Variants in CRHR2 observed in about 807,000 individuals in gnomAD.
CRHR2 encodes corticotropin releasing hormone receptor 2, also known as corticotropin-releasing hormone receptor 2.
In CRHR2, 53 loss-of-function variants were observed where a neutral mutation model predicts 57.9. The observed-to-expected ratio is 0.92, with a 90% CI of 0.73 to 1.15. CRHR2 has a LOEUF of 1.15. Among genes scored for constraint, CRHR2 ranks in the 50% most tolerant of loss-of-function variants. The pLI, the probability that CRHR2 is intolerant of heterozygous loss-of-function variation, is 0.00. For synonymous variants in CRHR2, 213 were observed against 220.9 expected (o/e 0.96, Z 0.32); for missense variants, 532 against 542.6 (o/e 0.98, Z 0.19).
At position 30,656,340 on chromosome 7, in the gene CRHR2, C is replaced by G. The variant is rs946637025; in HGVS notation, c.832-328G>C. Among the ~76,000 whole-genome samples, 1 of 152,166 alleles carries G rather than the reference C, an allele frequency of 6.6e-6. No individual in the cohort carries two copies. Among genetic ancestry groups the G allele is most frequent in the Non-Finnish European group, 1.5e-5 (1 of 68,022 alleles). Reference sequence around the variant, plus strand: ...CCAACCCTCTCCCCAGTATAGGGACCCTATGGGAGCCCCCTTCCCCTCACT... The same window carrying G: ...CCAACCCTCTCCCCAGTATAGGGACGCTATGGGAGCCCCCTTCCCCTCACT... On this transcript the variant is annotated intron_variant, in intron 8 of 11. Coordinates refer to ENST00000471646, the MANE Select transcript of CRHR2 (RefSeq NM_001883.5). This position sits in a 1 kb window ranked among gnomAD's most constrained non-coding sequence, Gnocchi z 4.4.
chr7:30,668,964 C>T (rs960016354), intron 2 of CRHR2, among the ~76,000 whole-genome samples: 7 of 152,230 alleles, frequency 4.6e-5, no homozygotes, highest in African/African-American at 9.6e-5. Flanking sequence ...TACCAACATT[C>T]GTGCTCATGA....
intron 2 of CRHR2, among the ~76,000 whole-genome samples, chr7:30,673,152 G>C (rs1784417574): frequency 6.6e-6 from 1 of 151,988 alleles, no homozygotes. Context: ...CCATCTTCTT[G>C]TCTGGCCTGG....
chr7:30,655,167 G>C (rs1783733531), intron 10 of CRHR2, 87 bp from the exon 11 acceptor site: 1 of 1,243,250 alleles, frequency 8.0e-7, no homozygotes, highest in Middle Eastern at 1.9e-4. Context: ...ACAAGATGGT[G>C]GGGGGGGGAC....
intron 2 of CRHR2, 59 bp from the exon 3 acceptor site, chr7:30,667,372 G>A: frequency 6.8e-7 from 1 of 1,464,170 alleles, no homozygotes; most frequent in Non-Finnish European, 9.6e-7. Flanking sequence ...AACCCTCCCT[G>A]GCTCCCTGGT....
chr7:30,654,983 G>C (rs1349007950), intron 11 of CRHR2, 56 bp downstream of exon 11: 1 of 1,596,864 alleles, frequency 6.3e-7, no homozygotes, highest in Non-Finnish European at 8.5e-7. Context: ...AGCTGCCCTG[G>C]AGTGGGGTCT....
chr7:30,652,855 A>C lies in CRHR2; in HGVS notation c.*605T>G, dbSNP rs1400381171. The C allele has an allele frequency of 2.0e-5, 3 of 152,424 alleles. No individual in the cohort carries two copies. Among genetic ancestry groups the C allele is most frequent in the Non-Finnish European group, 2.9e-5 (2 of 68,182 alleles). The allele number at this position is 152,424 out of a possible 1,614,324, so 9.4% of individuals were successfully genotyped here. On this transcript the variant is annotated 3_prime_UTR_variant, in exon 12 of 12. Transcript: ENST00000471646. The surrounding 1 kb of genome is among the most constrained non-coding windows in gnomAD (Gnocchi z 4.4). ...AAGGGGTCTCCCAAGAGAGGAAGCC[A>C]GGCCTGGAAGCCTGCATCCTTCATG...
intron 1 of CRHR2, among the ~76,000 whole-genome samples, chr7:30,692,971 C>T (rs1026233706): frequency 4.6e-5 from 7 of 152,066 alleles, no homozygotes; most frequent in East Asian, 1.9e-4. Flanking sequence ...CTGTGGGTCA[C>T]GGATGCTGAG....
At chr7:30,694,802 G>A (rs1324250072) in intron 1 of CRHR2, among the ~76,000 whole-genome samples, 1 of 151,466 alleles carries the variant, frequency 6.6e-6, no homozygotes, top group African/African-American at 2.4e-5. Context: ...AAGGCTTGGA[G>A]GAGAAGACTG....
intron 5 of CRHR2, among the ~76,000 whole-genome samples, chr7:30,664,044 A>G (rs1032483020): frequency 6.6e-6 from 1 of 152,136 alleles, no homozygotes; most frequent in Non-Finnish European, 1.5e-5. Context: ...CCTCCTCCCA[A>G]CCCTACTTTT....
upstream of CRHR2, among the ~76,000 whole-genome samples, chr7:30,684,927 G>T (rs1243839504): frequency 6.6e-6 from 1 of 152,240 alleles, no homozygotes; most frequent in Non-Finnish European, 1.5e-5. Flanking sequence ...AACTAAAGAA[G>T]CAGAGGTAGA....
rs1219090782 is a variant in CRHR2, at chr7:30,665,910, C to T, written c.316-271G>A. Among the ~76,000 whole-genome samples, 1 of 152,110 alleles carries T rather than the reference C, an allele frequency of 6.6e-6. No homozygotes were observed. Among genetic ancestry groups the T allele is most frequent in the African/African-American group, 2.4e-5 (1 of 41,394 alleles). On this transcript the variant is annotated intron_variant, in intron 3 of 11. Coordinates refer to ENST00000471646, the MANE Select transcript of CRHR2 (RefSeq NM_001883.5). This position sits in a 1 kb window ranked among gnomAD's most constrained non-coding sequence, Gnocchi z 4.5. ...TGTTGCCCAAGCTGGGGTCCAGTGGCTATTCACAGGTGTGATCACAGTGCA... is the reference window on the plus strand; with the variant it reads ...TGTTGCCCAAGCTGGGGTCCAGTGGTTATTCACAGGTGTGATCACAGTGCA...
intron 8 of CRHR2, among the ~76,000 whole-genome samples, chr7:30,659,654 G>A (rs1220117321): frequency 1.3e-4 from 20 of 152,182 alleles, no homozygotes; most frequent in Admixed American, 1.3e-3. Flanking sequence ...ATATATCAAG[G>A]ACACTCCAAA....
intron 2 of CRHR2, chr7:30,688,994 GT>G (rs1348920246): frequency 9.0e-6 from 6 of 666,150 alleles, no homozygotes; most frequent in Non-Finnish European, 1.7e-5. Context: ...TTCATTATCA[GT>G]GGCAAGCCTG....
chr7:30,694,952 G>C (rs959164200), intron 1 of CRHR2, among the ~76,000 whole-genome samples: 3 of 142,112 alleles, frequency 2.1e-5, no homozygotes, highest in Admixed American at 7.1e-5. Flanking sequence ...GAGGAGAGAA[G>C]GAAGGAAGGG....
At chr7:30,676,424 G>A (rs900316599) in intron 2 of CRHR2, among the ~76,000 whole-genome samples, 3 of 152,146 alleles carry the variant, frequency 2.0e-5, no homozygotes, top group African/African-American at 4.8e-5. Flanking sequence ...CTGAGTTTCC[G>A]GATTTACAGC....
At chr7:30,669,880 C>T (rs1455475389) in intron 2 of CRHR2, among the ~76,000 whole-genome samples, 14 of 152,156 alleles carry the variant, frequency 9.2e-5, no homozygotes, top group Admixed American at 9.2e-4. Flanking sequence ...CACATACCCT[C>T]TTTGTGTGGA....
rs748008972 is a variant in CRHR2, at chr7:30,656,003, C to T, written c.841G>A (p.Val281Ile). The T allele has an allele frequency of 1.1e-5, 18 of 1,613,480 alleles. No homozygotes were observed. Among genetic ancestry groups the T allele is most frequent in the South Asian group, 5.5e-5 (5 of 91,048 alleles). ...PIILVLLINF[V>I]FLFNIVRILM... ...ATCCTGACGATGTTGAACAGAAATACGAAATTGATCTGGAGGGAGGGCGGG... is the reference window on the plus strand; with the variant it reads ...ATCCTGACGATGTTGAACAGAAATATGAAATTGATCTGGAGGGAGGGCGGG... The change falls in exon 9 of 12, where the codon GTA (valine) becomes ATA (isoleucine). Residue 281 changes from valine to isoleucine, a missense_variant. Val to Ile is a conservative substitution (Grantham distance 29). Transcript: ENST00000471646. This position sits in a 1 kb window ranked among gnomAD's most constrained non-coding sequence, Gnocchi z 4.4.
At chr7:30,654,899 G>A in intron 11 of CRHR2, 140 bp downstream of exon 11, 1 of 1,551,410 alleles carries the variant, frequency 6.4e-7, no homozygotes, top group East Asian at 2.4e-5. Context: ...AAGGATTCCT[G>A]TTCCCCTAAG....
rs1783650971 is a variant in CRHR2, at chr7:30,653,218, T to G, written c.*242A>C. 1 of 517,238 alleles carries G rather than the reference T, an allele frequency of 1.9e-6. No homozygotes were observed. Among genetic ancestry groups the G allele is most frequent in the African/African-American group, 1.9e-5 (1 of 52,224 alleles). The allele number at this position is 517,238 out of a possible 1,614,324, so 32.0% of individuals were successfully genotyped here. A position where few individuals can be genotyped will look rare whatever the true frequency, so the allele number is the denominator to read the frequency against. Reference sequence around the variant, plus strand: ...GGGCAAATGCCTGCAGACATCTGACTGGCTCTTCTCAGGGGGTCCTGTGAA... The same window carrying G: ...GGGCAAATGCCTGCAGACATCTGACGGGCTCTTCTCAGGGGGTCCTGTGAA... On this transcript the variant is annotated 3_prime_UTR_variant, in exon 12 of 12. Coordinates refer to ENST00000471646, the MANE Select transcript of CRHR2 (RefSeq NM_001883.5). The surrounding 1 kb of genome is among the most constrained non-coding windows in gnomAD (Gnocchi z 5.0).
Sources: allele counts gnomAD v4.1 joint callset (sites outside exome capture counted in the v4.1 genomes callset), GRCh38; gene constraint gnomAD v4.1.1; non-coding constraint Gnocchi (gnomAD v3.1); transcripts MANE v1.5; gene names NCBI Gene and HGNC (gene_info 2026-07-23, HGNC 2026-07-21).